Variants in CHML observed in about 807,000 individuals in gnomAD.
CHML encodes the protein rab proteins geranylgeranyltransferase component A 2.
CHML carries 20 observed loss-of-function variants against 30.4 expected under a neutral mutation model. The observed-to-expected ratio is 0.66, with a 90% confidence interval of 0.46 to 0.95. The LOEUF is 0.95. CHML is among the 40% of genes least tolerant of loss of function. The pLI, the probability that CHML is intolerant of heterozygous loss-of-function variation, is 0.00. For missense variants in CHML, 795 were observed against 768.5 expected, an observed-to-expected ratio of 1.03 and a Z score of -0.41; for synonymous variants, 281 against 275.0, an observed-to-expected ratio of 1.02 and a Z score of -0.22.
chr1:241,634,789 T>C lies in CHML; in HGVS notation c.978A>G (p.Leu326=), dbSNP rs758524201. ...AFRQCSFSEY[L]KTKKLTPNLQ... is the part of the protein sequence containing the mutation. Reference sequence around the variant, plus strand: ...GGTTGGGAGTTAGTTTTTTAGTTTTTAAGTATTCTGAAAATGAACACTGCC... The same window carrying C: ...GGTTGGGAGTTAGTTTTTTAGTTTTCAAGTATTCTGAAAATGAACACTGCC... Residue 326 remains leucine, a synonymous_variant, in exon 2 of 2, where the codon TTA becomes TTG. Coordinates refer to ENST00000366553, the MANE Select transcript of CHML (RefSeq NM_001381853.1). 6.2e-7 allele frequency: 1 copy of C among 1,613,862 alleles called. No homozygotes were observed. The highest frequency in any genetic ancestry group is 2.2e-5 in the East Asian group (1 of 44,892).
chr1:241,634,893 C>T lies in CHML; in HGVS notation c.874G>A (p.Val292Ile), dbSNP rs375033553. The T allele has an allele frequency of 6.2e-7, 1 of 1,610,448 alleles. No individual in the cohort carries two copies. Among genetic ancestry groups the T allele is most frequent in the African/African-American group, 1.3e-5 (1 of 74,602 alleles). Residue 292 changes from valine (V) to isoleucine (I), a missense_variant, in exon 2 of 2, where the codon GTT (valine) becomes ATT (isoleucine). Transcript: ENST00000366553. The part of the protein sequence containing the change: ...DVFNSKELTM[V>I]EKRMLMKFLT... Reference sequence around the variant, plus strand: ...AATTTCATTAGCATCCTCTTTTCAACCATGGTGAGTTCCTTGCTATTAAAG... The same window carrying T: ...AATTTCATTAGCATCCTCTTTTCAATCATGGTGAGTTCCTTGCTATTAAAG...
chr1:241,636,723 ATAAG>A (rs762591319), intron 1 of CHML, among the ~76,000 whole-genome samples: 45 of 152,336 alleles, frequency 3.0e-4, no homozygotes, highest in African/African-American at 4.8e-4. Context: ...ACACATGCAT[ATAAG>A]TAATAAAGGA....
In CHML at chr1:241,635,966, A is replaced by T. The variant is rs1664882813; in HGVS notation, c.-200T>A. On this transcript the variant is annotated 5_prime_UTR_variant, in exon 2 of 2. It removes the in-frame stop codon of an upstream open reading frame in the 5' UTR. Coordinates refer to ENST00000366553, the MANE Select transcript of CHML (RefSeq NM_001381853.1). The stretch of plus-strand genomic sequence containing the variant: ...CATAAAAACATGAGCAAGTACATCT[A>T]ATCACATCTGAGAATACTAAAATGG... 2 of 571,350 alleles carry T rather than the reference A, an allele frequency of 3.5e-6. No individual in the cohort carries two copies. Among genetic ancestry groups the T allele is most frequent in the Non-Finnish European group, 6.2e-6 (2 of 321,170 alleles). 35.4% of individuals were successfully genotyped at this position (571,350 alleles called of 1,614,324 possible).
Sources: gnomAD v4.1 joint callset for allele counts (sites outside exome capture counted in the v4.1 genomes callset) on GRCh38, gnomAD v4.1.1 for gene constraint, MANE v1.5 for transcripts, NCBI Gene and HGNC (gene_info 2026-07-23, HGNC 2026-07-21) for gene names.